VAV1: variants seen among roughly 807,000 people sequenced by gnomAD.
VAV1 encodes the protein proto-oncogene vav.
In VAV1, 33 loss-of-function variants were observed where a neutral mutation model predicts 128.1. The ratio of observed to expected loss-of-function variants is 0.26; its 90% CI spans 0.20 to 0.34. The LOEUF (loss-of-function observed/expected upper bound fraction) is 0.34, where lower values mean the gene tolerates loss of function less well. VAV1 is among the 10% of genes least tolerant of loss of function. The pLI is 1.00. For synonymous variants in VAV1, 394 were observed against 409.8 expected, an observed-to-expected ratio of 0.96 and a Z score of 0.47; for missense variants, 715 against 1,093.7, an observed-to-expected ratio of 0.65 and a Z score of 4.88.
At chr19:6,846,227 T>C (rs1972518259) in intron 22 of VAV1, among the ~76,000 whole-genome samples, 1 of 151,230 alleles carries the variant, frequency 6.6e-6, no homozygotes, top group Admixed American at 6.6e-5. Flanking sequence ...TACATTTAAA[T>C]CATGTTGTAC....
Position 6,822,137 on chromosome 19 carries a change from G to A in VAV1, c.450-84G>A. 7.3e-7 allele frequency: 1 copy of A among 1,372,364 alleles called. No individual in the cohort carries two copies. Among genetic ancestry groups the A allele is most frequent in the Non-Finnish European group, 1.0e-6 (1 of 990,830 alleles). 85.0% of individuals were successfully genotyped at this position (1,372,364 alleles called of 1,614,324 possible). ...AGGTCCCACCCTTGGAGTCTTGGGG[G>A]GACAAAGCCCTGCGCTGGGGTCTGC... On this transcript the variant is annotated intron_variant, in intron 4 of 26. Coordinates refer to ENST00000602142, the MANE Select transcript of VAV1 (RefSeq NM_005428.4). The surrounding 1 kb of genome is among the most constrained non-coding windows in gnomAD (Gnocchi z 5.9).
chr19:6,851,088 CG>C (rs1434800455), intron 24 of VAV1, among the ~76,000 whole-genome samples: 5 of 151,422 alleles, frequency 3.3e-5, no homozygotes, highest in African/African-American at 7.3e-5. Flanking sequence ...ATTTTACTTA[CG>C]TATATATACA....
At chr19:6,780,164 A>G (rs1273247100) in intron 1 of VAV1, among the ~76,000 whole-genome samples, 1 of 143,136 alleles carries the variant, frequency 7.0e-6, no homozygotes, top group Non-Finnish European at 1.5e-5. Context: ...TAATAACCTC[A>G]TCCATGAATC....
intron 1 of VAV1, among the ~76,000 whole-genome samples, chr19:6,800,792 T>TTTTTTGTGTGTG (rs1555699757): frequency 1.8e-3 from 259 of 147,712 alleles, no homozygotes; most frequent in Middle Eastern, 0.017. Context: ...TGGCAAATTT[T>TTTTTTGTGTGTG]TGTGTGTGTG....
chr19:6,828,234 G>C lies in VAV1; in HGVS notation c.1023+63G>C. The C allele has an allele frequency of 6.3e-7, 1 of 1,590,492 alleles. No individual in the cohort carries two copies. ...TACTCTCCTGTGTCTATAAAAGTGGGGACGGGGCTGGCTTCTGGGGGTTGG... is the reference window on the plus strand; with the variant it reads ...TACTCTCCTGTGTCTATAAAAGTGGCGACGGGGCTGGCTTCTGGGGGTTGG... On this transcript the variant is annotated intron_variant, in intron 10 of 26. Transcript: ENST00000602142. The surrounding 1 kb of genome is among the most constrained non-coding windows in gnomAD (Gnocchi z 4.5).
Position 6,836,509 on chromosome 19 carries a change from C to T in VAV1, c.1855C>T (p.Leu619Phe), listed in dbSNP as rs1972224636. 9 of 1,614,112 alleles carry T rather than the reference C, an allele frequency of 5.6e-6. 1 individual carries two copies. Among genetic ancestry groups the T allele is most frequent in the Non-Finnish European group, 2.5e-6 (3 of 1,180,032 alleles). The change falls in exon 20 of 27, where the codon CTC becomes TTC. Residue 619 changes from leucine to phenylalanine, a missense_variant. Transcript: ENST00000602142. ...TGGAGCCATTGGACCCTTTCTACGG[C>T]TCAACCCTGGAGACATTGTGGAGCT... Reference protein sequence around the residue: ...PPGAIGPFLRLNPGDIVELTK... With the variant: ...PPGAIGPFLRFNPGDIVELTK...
rs570815147 is a variant in VAV1, at chr19:6,811,191, A to G, written c.205-9511A>G. On this transcript the variant is annotated intron_variant, in intron 1 of 26. Coordinates refer to ENST00000602142, the MANE Select transcript of VAV1 (RefSeq NM_005428.4). Reference sequence around the variant, plus strand: ...GCTGGGATTACAGGCATGCACCACCATGCCCGGCTAATTTTTGTATTTTTA... The same window carrying G: ...GCTGGGATTACAGGCATGCACCACCGTGCCCGGCTAATTTTTGTATTTTTA... 1.4e-3 allele frequency among the ~76,000 whole-genome samples: 215 copies of G among 152,210 alleles called. 2 individuals are homozygous for G. The highest frequency in any genetic ancestry group is 5.1e-3 in the African/African-American group (212 of 41,524).
chr19:6,852,914 C>T (rs375037873), intron 24 of VAV1, 51 bp from the exon 25 acceptor site: 18 of 1,519,694 alleles, frequency 1.2e-5, no homozygotes, highest in Admixed American at 1.7e-5. Context: ...GCTCTGCCCC[C>T]TTATGGGCTG....
At chr19:6,838,638 C>G (rs1416308134) in intron 21 of VAV1, among the ~76,000 whole-genome samples, 1 of 152,090 alleles carries the variant, frequency 6.6e-6, no homozygotes, top group Non-Finnish European at 1.5e-5. Context: ...ATTCATTTAT[C>G]ATTTATCCAT....
At chr19:6,776,455 T>C (rs868708603) in intron 1 of VAV1, among the ~76,000 whole-genome samples, 119 of 122,272 alleles carry the variant, frequency 9.7e-4, no homozygotes, top group African/African-American at 1.2e-3. Flanking sequence ...CACCCACCCA[T>C]CCACCCACCC....
chr19:6,834,117 G>T lies in VAV1; in HGVS notation c.1777+164G>T, dbSNP rs111666124. On this transcript the variant is annotated intron_variant, in intron 19 of 26. Transcript: ENST00000602142. ...TTTGGGAGGCCAAGGCGGGAGGATC[G>T]CTTGAAGTCAGGTGCACACCACCAC... Among the ~76,000 whole-genome samples the T allele has an allele frequency of 2.4e-3, 366 of 151,742 alleles. 1 individual carries two copies. Among genetic ancestry groups the T allele is most frequent in the African/African-American group, 8.5e-3 (350 of 41,372 alleles).
At position 6,822,079 on chromosome 19, in the gene VAV1, G is replaced by T; in HGVS notation, c.450-142G>T. The T allele has an allele frequency of 1.0e-6, 1 of 1,003,966 alleles. No homozygotes were observed. Among genetic ancestry groups the T allele is most frequent in the Non-Finnish European group, 1.5e-6 (1 of 673,042 alleles). The allele number at this position is 1,003,966 out of a possible 1,614,324, so 62.2% of individuals were successfully genotyped here. On this transcript the variant is annotated intron_variant, in intron 4 of 26. Coordinates refer to ENST00000602142, the MANE Select transcript of VAV1 (RefSeq NM_005428.4). The surrounding 1 kb of genome is among the most constrained non-coding windows in gnomAD (Gnocchi z 5.9). ...TTGGGGGACATGGCCCTGCCCTGGA[G>T]CTTGGAGGGACATGGCCTGCCCTTG...
chr19:6,832,586 CCTCCT>C (rs1568309629), intron 15 of VAV1, among the ~76,000 whole-genome samples: 3 of 127,404 alleles, frequency 2.4e-5, no homozygotes, highest in Admixed American at 1.7e-4. Flanking sequence ...TCCTCCTCGC[CCTCCT>C]CTTCCTCTTC....
intron 1 of VAV1, among the ~76,000 whole-genome samples, chr19:6,809,158 G>A (rs1971462070): frequency 6.7e-6 from 1 of 150,284 alleles, no homozygotes; most frequent in Non-Finnish European, 1.5e-5. Flanking sequence ...TTAGCTCACT[G>A]CAACCTCAAA....
chr19:6,798,196 G>C (rs987836062), intron 1 of VAV1, among the ~76,000 whole-genome samples: 2 of 152,026 alleles, frequency 1.3e-5, no homozygotes, highest in African/African-American at 4.8e-5. Context: ...AGAATCGCTT[G>C]AACCTGGGAG....
chr19:6,798,652 C>T (rs1971193594), intron 1 of VAV1, among the ~76,000 whole-genome samples: 1 of 147,266 alleles, frequency 6.8e-6, no homozygotes, highest in East Asian at 1.9e-4. Flanking sequence ...GACCCTGTTT[C>T]TCCCCTTCCC....
chr19:6,792,445 C>T (rs78138486), intron 1 of VAV1, among the ~76,000 whole-genome samples: 1 of 151,454 alleles, frequency 6.6e-6, no homozygotes, highest in Non-Finnish European at 1.5e-5. Flanking sequence ...TAGGGACTTG[C>T]GTGAATTAGG....
intron 24 of VAV1, 95 bp downstream of exon 24, chr19:6,850,852 G>A (rs1972658094): frequency 8.0e-7 from 1 of 1,252,130 alleles, no homozygotes; most frequent in Non-Finnish European, 1.1e-6. Context: ...CACATTCAGG[G>A]TGACCCCCCT....
In VAV1 at chr19:6,837,043, A is replaced by T. The variant is rs1021382052; in HGVS notation, c.1973A>T (p.Tyr658Phe). Residue 658 changes from tyrosine (Y) to phenylalanine (F), a missense_variant, in exon 21 of 27, where the codon TAT (tyrosine) becomes TTT (phenylalanine). Transcript: ENST00000602142. Reference sequence around the variant, plus strand: ...TTTCCTTGTAACAGGGTGAAGCCCTATGTCCATGTGAGTGCCTCAAGTCTG... The same window carrying T: ...TTTCCTTGTAACAGGGTGAAGCCCTTTGTCCATGTGAGTGCCTCAAGTCTG... The part of the protein sequence containing the change: ...GWFPCNRVKP[Y>F]VHGPPQDLSV... 6.2e-7 allele frequency: 1 copy of T among 1,613,970 alleles called. No individual in the cohort carries two copies. The highest frequency in any genetic ancestry group is 1.3e-5 in the African/African-American group (1 of 74,924).
Sources: gnomAD v4.1 joint callset for allele counts (sites outside exome capture counted in the v4.1 genomes callset) on GRCh38, gnomAD v4.1.1 for gene constraint, Gnocchi (gnomAD v3.1) non-coding constraint, MANE v1.5 for transcripts, NCBI Gene and HGNC (gene_info 2026-07-23, HGNC 2026-07-21) for gene names.